CADM2: variants seen among roughly 807,000 people sequenced by gnomAD.
CADM2 encodes the protein immunoglobulin superfamily member 4D.
Under a neutral mutation model 49.8 loss-of-function variants are expected in CADM2, and 12 were observed. The observed-to-expected ratio is 0.24, with a 90% CI of 0.15 to 0.39. The LOEUF (loss-of-function observed/expected upper bound fraction) is 0.39, where lower values mean the gene tolerates loss of function less well. Ranked by LOEUF, CADM2 falls within the 10% of genes least tolerant of loss-of-function variation. The probability of loss-of-function intolerance (pLI) is 1.00; values close to 1 mark genes in which losing one functional copy is unlikely to be tolerated. For synonymous variants in CADM2, 214 were observed against 175.4 expected, an observed-to-expected ratio of 1.22 and a Z score of -1.74; for missense variants, 378 against 492.3, an observed-to-expected ratio of 0.77 and a Z score of 2.20.
At chr3:86,014,064 C>T in intron 8 of CADM2, 1 of 1,307,034 alleles carries the variant, frequency 7.7e-7, no homozygotes, top group South Asian at 1.5e-5. Flanking sequence ...TGTTCTTTTT[C>T]ACAACGGTTA....
At chr3:85,634,503 C>T (rs1176718470) in intron 1 of CADM2, among the ~76,000 whole-genome samples, 1 of 151,754 alleles carries the variant, frequency 6.6e-6, no homozygotes, top group Non-Finnish European at 1.5e-5. Flanking sequence ...CATAGTGCCC[C>T]AAGAAGAAAT....
chr3:85,097,887 A>G (rs942524312), intron 1 of CADM2, among the ~76,000 whole-genome samples: 1 of 152,226 alleles, frequency 6.6e-6, no homozygotes, highest in Non-Finnish European at 1.5e-5. Flanking sequence ...ACTTTCCGTC[A>G]GAATCAGGTG....
intron 1 of CADM2, among the ~76,000 whole-genome samples, chr3:85,140,194 C>T (rs539587576): frequency 5.9e-5 from 9 of 152,288 alleles, no homozygotes; most frequent in South Asian, 4.1e-4. Context: ...TCTTGGATCA[C>T]GTACAGTTAC....
intron 1 of CADM2, among the ~76,000 whole-genome samples, chr3:85,583,304 G>A (rs1232239841): frequency 6.6e-6 from 1 of 151,978 alleles, no homozygotes; most frequent in African/African-American, 2.4e-5. Context: ...TGAGAACCAG[G>A]GTTGGATATT....
chr3:85,363,267 T>C (rs999858784), intron 1 of CADM2, among the ~76,000 whole-genome samples: 2 of 152,234 alleles, frequency 1.3e-5, no homozygotes, highest in African/African-American at 4.8e-5. Flanking sequence ...ATAACCAATG[T>C]ACATAATTTG....
At chr3:85,299,995 A>C (rs1212793951) in intron 1 of CADM2, among the ~76,000 whole-genome samples, 1 of 152,120 alleles carries the variant, frequency 6.6e-6, no homozygotes, top group Non-Finnish European at 1.5e-5. Flanking sequence ...CTAGATTACT[A>C]ACAAAGATTT....
At chr3:85,073,120 G>A (rs2036819362) in intron 1 of CADM2, among the ~76,000 whole-genome samples, 1 of 152,102 alleles carries the variant, frequency 6.6e-6, no homozygotes, top group South Asian at 2.1e-4. Flanking sequence ...TTCTCTGACA[G>A]ATGGATTGCA....
chr3:85,002,866 G>A (rs1382742918), intron 1 of CADM2, among the ~76,000 whole-genome samples: 1 of 151,976 alleles, frequency 6.6e-6, no homozygotes, highest in African/African-American at 2.4e-5. Context: ...GCTCACTATA[G>A]CCTTGAACTC....
At chr3:85,062,013 C>A (rs930411101) in intron 1 of CADM2, among the ~76,000 whole-genome samples, 1 of 151,742 alleles carries the variant, frequency 6.6e-6, no homozygotes, top group Non-Finnish European at 1.5e-5. Context: ...TACACACATT[C>A]TGTCTCTCTG....
At chr3:85,224,174 G>A (rs1466203788) in intron 1 of CADM2, among the ~76,000 whole-genome samples, 1 of 152,112 alleles carries the variant, frequency 6.6e-6, no homozygotes, top group Admixed American at 6.6e-5. Context: ...TTGAGGAATC[G>A]CCATGCTGTC....
At chr3:85,640,462 T>A (rs1278506985) in intron 1 of CADM2, among the ~76,000 whole-genome samples, 1 of 152,182 alleles carries the variant, frequency 6.6e-6, no homozygotes, top group East Asian at 1.9e-4. Flanking sequence ...AACACCTAGT[T>A]GACACTTAAC....
At chr3:85,970,537 G>A (rs1725996176) in intron 8 of CADM2, among the ~76,000 whole-genome samples, 1 of 151,462 alleles carries the variant, frequency 6.6e-6, no homozygotes, top group Non-Finnish European at 1.5e-5. Flanking sequence ...TAAATTATAG[G>A]TTAGCAAGGT....
chr3:85,830,746 C>T (rs1450947614), intron 3 of CADM2, among the ~76,000 whole-genome samples: 1 of 151,386 alleles, frequency 6.6e-6, no homozygotes, highest in East Asian at 1.9e-4. Flanking sequence ...TTTCTCATCA[C>T]CATTTATTTT....
intron 8 of CADM2, among the ~76,000 whole-genome samples, chr3:86,025,092 G>C (rs116654081): frequency 6.6e-6 from 1 of 150,992 alleles, no homozygotes. Context: ...GTCTCTCTCT[G>C]TCGCCCAGGC....
At chr3:85,613,515 TA>T (rs1236902243) in intron 1 of CADM2, among the ~76,000 whole-genome samples, 2 of 151,768 alleles carry the variant, frequency 1.3e-5, no homozygotes, top group Non-Finnish European at 3.0e-5. Context: ...ACCTGAATAT[TA>T]AAGAGAGGTC....
intron 1 of CADM2, among the ~76,000 whole-genome samples, chr3:85,571,293 A>G (rs1437991328): frequency 6.6e-6 from 1 of 152,216 alleles, no homozygotes; most frequent in Non-Finnish European, 1.5e-5. Flanking sequence ...ATATTCTCAT[A>G]TGAGTCCTTT....
At chr3:85,367,825 A>ATG (rs1362265393) in intron 1 of CADM2, among the ~76,000 whole-genome samples, 2 of 76,010 alleles carry the variant, frequency 2.6e-5, no homozygotes, top group African/African-American at 6.0e-5. Context: ...ATATATATAT[A>ATG]CATATATATG....
chr3:85,707,813 T>A (rs1185396840), intron 1 of CADM2, among the ~76,000 whole-genome samples: 1 of 152,198 alleles, frequency 6.6e-6, no homozygotes, highest in African/African-American at 2.4e-5. Context: ...CAGCATGTAC[T>A]TGAAAAGAAT....
chr3:85,964,905 C>A (rs1449661547), intron 8 of CADM2, among the ~76,000 whole-genome samples: 3 of 151,638 alleles, frequency 2.0e-5, no homozygotes, highest in Non-Finnish European at 1.5e-5. Flanking sequence ...TGTGGTCATA[C>A]TATTTATTTA....
Sources: allele counts gnomAD v4.1 joint callset (sites outside exome capture counted in the v4.1 genomes callset), GRCh38; gene constraint gnomAD v4.1.1; transcripts MANE v1.5; gene names NCBI Gene and HGNC (gene_info 2026-07-23, HGNC 2026-07-21).